Variants in TBC1D22A observed in about 807,000 individuals in gnomAD.
The protein encoded by TBC1D22A is putative GTPase activator.
Under a neutral mutation model 60.2 loss-of-function variants are expected in TBC1D22A, and 38 were observed. The ratio of observed to expected loss-of-function variants is 0.63; its 90% CI spans 0.49 to 0.83. TBC1D22A has a LOEUF of 0.83. TBC1D22A is among the 40% of genes least tolerant of loss of function. The pLI is 0.00. For missense variants in TBC1D22A, 628 were observed against 701.0 expected, an observed-to-expected ratio of 0.90 and a Z score of 1.18; for synonymous variants, 302 against 281.7, an observed-to-expected ratio of 1.07 and a Z score of -0.72.
chr22:46,917,974 G>A (rs1241605929), intron 8 of TBC1D22A, among the ~76,000 whole-genome samples: 1 of 152,200 alleles, frequency 6.6e-6, no homozygotes, highest in Non-Finnish European at 1.5e-5. Flanking sequence ...GGGCCTGACC[G>A]CTGGGGTCCA....
intron 1 of TBC1D22A, among the ~76,000 whole-genome samples, chr22:46,780,932 T>C (rs554320606): frequency 2.6e-5 from 4 of 152,344 alleles, no homozygotes; most frequent in Non-Finnish European, 4.4e-5. Flanking sequence ...ATTTTGTTTA[T>C]TGTTTTTTTA....
chr22:47,020,905 G>C (rs1057196945), intron 10 of TBC1D22A, among the ~76,000 whole-genome samples: 6 of 152,100 alleles, frequency 3.9e-5, no homozygotes, highest in African/African-American at 1.4e-4. Context: ...TTAGCAAGCA[G>C]GAGCTAGAGA....
At chr22:46,892,295 T>A (rs1213439211) in intron 6 of TBC1D22A, among the ~76,000 whole-genome samples, 1 of 145,702 alleles carries the variant, frequency 6.9e-6, no homozygotes, top group Non-Finnish European at 1.5e-5. Context: ...GTTTTATCTG[T>A]AAAAAAAAAA....
chr22:46,850,071 C>G (rs1402278744), intron 4 of TBC1D22A, among the ~76,000 whole-genome samples: 2 of 152,192 alleles, frequency 1.3e-5, no homozygotes, highest in African/African-American at 4.8e-5. Context: ...GGGTGTGCAT[C>G]TGTGCAGCAG....
At chr22:47,094,000 A>G (rs2065078868) in intron 11 of TBC1D22A, among the ~76,000 whole-genome samples, 1 of 152,200 alleles carries the variant, frequency 6.6e-6, no homozygotes, top group African/African-American at 2.4e-5. Flanking sequence ...AAAACATAGC[A>G]GGGACGAAAA....
chr22:46,909,954 CACGGCTCCTCTGGCCGCT>C (rs1038874948), intron 7 of TBC1D22A, among the ~76,000 whole-genome samples: 2 of 152,232 alleles, frequency 1.3e-5, no homozygotes, highest in Non-Finnish European at 2.9e-5. Flanking sequence ...TCTGGCCCCA[CACGGCTCCTCTGGCCGCT>C]ACTTGCAGCT....
At chr22:47,050,019 T>G (rs2063157821) in intron 11 of TBC1D22A, among the ~76,000 whole-genome samples, 1 of 149,590 alleles carries the variant, frequency 6.7e-6, no homozygotes, top group Admixed American at 6.6e-5. Flanking sequence ...GCATTTCCTT[T>G]TTTCAGAGAA....
At chr22:46,768,775 G>A (rs116764874) in intron 1 of TBC1D22A, among the ~76,000 whole-genome samples, 3 of 152,200 alleles carry the variant, frequency 2.0e-5, no homozygotes, top group Non-Finnish European at 4.4e-5. Flanking sequence ...GGCAGCTGGG[G>A]TATGTGGAGT....
intron 2 of TBC1D22A, among the ~76,000 whole-genome samples, chr22:46,793,195 G>A (rs2146898860): frequency 6.6e-6 from 1 of 152,356 alleles, no homozygotes; most frequent in South Asian, 2.1e-4. Context: ...CTGGGATTCG[G>A]GGAAGGTGCC....
Position 46,904,774 on chromosome 22 carries a change from A to AT in TBC1D22A, c.901-7284dup, listed in dbSNP as rs777988768. 2.7e-3 allele frequency among the ~76,000 whole-genome samples: 364 copies of AT among 136,244 alleles called. 1 individual carries two copies. The highest frequency in any genetic ancestry group is 5.6e-3 in the South Asian group (24 of 4,278). The allele number at this position is 136,244 out of a possible 152,430, so 89.4% of individuals were successfully genotyped here. ...TGAGCCACTGCACCCGGCCGAGAAA[A>AT]TTTTTTTTTTTTTTTTCTGAGACAG... On this transcript the variant is annotated intron_variant, in intron 7 of 12. Transcript: ENST00000337137.
At chr22:46,882,844 A>G (rs1046226825) in intron 5 of TBC1D22A, among the ~76,000 whole-genome samples, 6 of 151,586 alleles carry the variant, frequency 4.0e-5, no homozygotes, top group African/African-American at 1.5e-4. Context: ...AAACATCATG[A>G]CTCTTTTTCA....
At chr22:46,880,576 A>AT (rs1220942280) in intron 5 of TBC1D22A, among the ~76,000 whole-genome samples, 1 of 152,126 alleles carries the variant, frequency 6.6e-6, no homozygotes, top group Non-Finnish European at 1.5e-5. Context: ...CTAGCCTGCC[A>AT]TTAGGAGGAG....
At chr22:46,913,213 A>G (rs1282553476) in intron 8 of TBC1D22A, 4 of 597,050 alleles carry the variant, frequency 6.7e-6, no homozygotes, top group Non-Finnish European at 1.0e-5. Context: ...TGGATAAAAC[A>G]TAAATAGGAA....
intron 4 of TBC1D22A, among the ~76,000 whole-genome samples, chr22:46,864,713 T>C (rs1481859403): frequency 1.3e-5 from 2 of 152,174 alleles, no homozygotes; most frequent in Admixed American, 1.3e-4. Flanking sequence ...GGGTGTAGTA[T>C]GTTTCTAGGT....
At chr22:47,115,678 C>T (rs781468742) in intron 12 of TBC1D22A, among the ~76,000 whole-genome samples, 13 of 152,166 alleles carry the variant, frequency 8.5e-5, no homozygotes, top group Non-Finnish European at 1.3e-4. Flanking sequence ...GCTGTCCCCT[C>T]TGTTAGGAAC....
intron 7 of TBC1D22A, among the ~76,000 whole-genome samples, chr22:46,908,960 A>G (rs2069690970): frequency 2.0e-5 from 3 of 152,094 alleles, no homozygotes; most frequent in African/African-American, 7.2e-5. Context: ...CCTGCTGTGG[A>G]ACCGAGTCGA....
chr22:46,765,896 C>A lies in TBC1D22A; in HGVS notation c.62+3048C>A, dbSNP rs541501449. 2.6e-5 allele frequency among the ~76,000 whole-genome samples: 4 copies of A among 151,140 alleles called. No individual in the cohort carries two copies. In the East Asian group the frequency reaches 7.8e-4, roughly 29 times the overall value. Reference sequence around the variant, plus strand: ...CCTGGGTCCCGGTTGAAGCAGTTCTCCTGCCTCAGCCTCCTGAGTAGATGG... The same window carrying A: ...CCTGGGTCCCGGTTGAAGCAGTTCTACTGCCTCAGCCTCCTGAGTAGATGG... On this transcript the variant is annotated intron_variant, in intron 1 of 12. Coordinates refer to ENST00000337137, the MANE Select transcript of TBC1D22A (RefSeq NM_014346.5).
At chr22:46,987,462 T>TGTCTTTCTTTGCAAGACA (rs1426350310) in intron 9 of TBC1D22A, among the ~76,000 whole-genome samples, 3 of 152,212 alleles carry the variant, frequency 2.0e-5, no homozygotes, top group Admixed American at 6.5e-5. Context: ...AAATGGTTTT[T>TGTCTTTCTTTGCAAGACA]ATAGGTATAC....
intron 3 of TBC1D22A, 55 bp from the exon 4 acceptor site, chr22:46,797,389 A>T: frequency 6.3e-7 from 1 of 1,590,212 alleles, no homozygotes; most frequent in Non-Finnish European, 8.6e-7. Context: ...GCAAGGAGGA[A>T]CGTGTAGTCG....
Sources: gnomAD v4.1 joint callset for allele counts (sites outside exome capture counted in the v4.1 genomes callset) on GRCh38, gnomAD v4.1.1 for gene constraint, MANE v1.5 for transcripts, NCBI Gene and HGNC (gene_info 2026-07-23, HGNC 2026-07-21) for gene names.